The following DEF6 variants were observed in gnomAD, a reference collection of about 807,000 sequenced individuals.
The protein encoded by DEF6 is differentially expressed in FDCP 6 homolog.
DEF6 carries 32 observed loss-of-function variants against 80.5 expected under a neutral mutation model. That is an observed-to-expected ratio of 0.40 (90% CI 0.30 to 0.53). DEF6 has a LOEUF of 0.53. Ranked by LOEUF, DEF6 falls within the 20% of genes least tolerant of loss-of-function variation. DEF6 has a pLI of 0.57. For synonymous variants in DEF6, 300 were observed against 337.9 expected, an observed-to-expected ratio of 0.89 and a Z score of 1.23; for missense variants, 575 against 818.7, an observed-to-expected ratio of 0.70 and a Z score of 3.63.
Position 35,319,698 on chromosome 6 carries a change from T to C in DEF6, c.1382+8T>C, listed in dbSNP as rs1293244960. 1.2e-6 allele frequency: 2 copies of C among 1,607,162 alleles called. No individual in the cohort carries two copies. The highest frequency in any genetic ancestry group is 3.4e-5 in the Admixed American group (2 of 59,630). On this transcript the variant is annotated splice_region_variant and intron_variant, in intron 8 of 10. Transcript: ENST00000316637. This position sits in a 1 kb window ranked among gnomAD's most constrained non-coding sequence, Gnocchi z 4.5. ...GCGAATCGCTCAGACCAGGTAGGCC[T>C]GAGGAACCTCTTCTGGTTCTCTCAC...
intron 1 of DEF6, among the ~76,000 whole-genome samples, chr6:35,305,434 G>T (rs1456509859): frequency 2.0e-5 from 3 of 152,116 alleles, no homozygotes; most frequent in African/African-American, 7.2e-5. Flanking sequence ...AAGCTGCAGT[G>T]AGCAGAAATC....
chr6:35,305,783 G>A (rs1257990684), intron 1 of DEF6, among the ~76,000 whole-genome samples: 1 of 152,190 alleles, frequency 6.6e-6, no homozygotes, highest in Non-Finnish European at 1.5e-5. Context: ...ATGCTGGCCA[G>A]GCTGGTGTTG....
Position 35,312,270 on chromosome 6 carries a change from G to A in DEF6, c.424-32G>A, listed in dbSNP as rs1418456170. ...GTTGGTGCTGGCAACACCACCTGCT[G>A]CAGCTACCAGGCCTTCCTTCTCCTG... On this transcript the variant is annotated intron_variant, in intron 3 of 10. Coordinates refer to ENST00000316637, the MANE Select transcript of DEF6 (RefSeq NM_022047.4). The surrounding 1 kb of genome is among the most constrained non-coding windows in gnomAD (Gnocchi z 6.6). The A allele has an allele frequency of 3.8e-6, 6 of 1,595,790 alleles. No individual in the cohort carries two copies. The highest frequency in any genetic ancestry group is 2.2e-5 in the South Asian group (2 of 90,016).
At chr6:35,309,488 AAAGT>A (rs1791434766) in intron 1 of DEF6, among the ~76,000 whole-genome samples, 178 bp from the exon 2 acceptor site, 2 of 152,208 alleles carry the variant, frequency 1.3e-5, no homozygotes, top group South Asian at 4.1e-4. Context: ...AATGATATGT[AAAGT>A]ACTTTAGCTC....
At position 35,307,828 on chromosome 6, in the gene DEF6, C is replaced by T. The variant is rs1010445502; in HGVS notation, c.97-1842C>T. Among the ~76,000 whole-genome samples the T allele has an allele frequency of 5.9e-5, 9 of 152,282 alleles. No homozygotes were observed. The East Asian group carries it at 1.2e-3, about 20-fold the overall frequency. The stretch of plus-strand genomic sequence containing the variant: ...GAGGCAAAGTCTCAATACTTTCTCC[C>T]CCTCCTCTCTGAAAAGAGAATAAAA... On this transcript the variant is annotated intron_variant, in intron 1 of 10. Transcript: ENST00000316637.
In DEF6 at chr6:35,311,351, G is replaced by A. The variant is rs1024819563; in HGVS notation, c.423+707G>A. Among the ~76,000 whole-genome samples the A allele has an allele frequency of 2.6e-5, 4 of 152,184 alleles. No homozygotes were observed. The East Asian group carries it at 7.7e-4, about 29-fold the overall frequency. On this transcript the variant is annotated intron_variant, in intron 3 of 10. Transcript: ENST00000316637. ...CTTTAGAGTGGGGTTTACAGGAGAG[G>A]GGGCTTCTGTACTTACAAGAAGCCC...
At position 35,318,050 on chromosome 6, in the gene DEF6, C is replaced by A; in HGVS notation, c.916+51C>A. 1 of 1,573,340 alleles carries A rather than the reference C, an allele frequency of 6.4e-7. No individual in the cohort carries two copies. Among genetic ancestry groups the A allele is most frequent in the Non-Finnish European group, 8.6e-7 (1 of 1,158,196 alleles). ...TCTGGGTGGTCCTTAGGCGCCTCATCTGTGAAAAGGGGGTGATAATACTTT... is the reference window on the plus strand; with the variant it reads ...TCTGGGTGGTCCTTAGGCGCCTCATATGTGAAAAGGGGGTGATAATACTTT... On this transcript the variant is annotated intron_variant, in intron 6 of 10. Coordinates refer to ENST00000316637, the MANE Select transcript of DEF6 (RefSeq NM_022047.4). This position sits in a 1 kb window ranked among gnomAD's most constrained non-coding sequence, Gnocchi z 5.1.
Position 35,318,317 on chromosome 6 carries a change from A to C in DEF6, c.1061A>C (p.Gln354Pro). The C allele has an allele frequency of 6.5e-7, 1 of 1,548,198 alleles. No homozygotes were observed. Among genetic ancestry groups the C allele is most frequent in the Non-Finnish European group, 8.7e-7 (1 of 1,147,636 alleles). ...EEELLRLQQL[Q>P]EEKERKLQEL... ...GAGCTGCTGCGGCTGCAGCAGCTGC[A>C]GGAGGAGAAGGAGCGGAAGCTGCAG... The change falls in exon 7 of 11, where the codon CAG becomes CCG. Residue 354 changes from glutamine (Q) to proline (P), a missense_variant. Gln to Pro is a moderately conservative substitution (Grantham distance 76). Coordinates refer to ENST00000316637, the MANE Select transcript of DEF6 (RefSeq NM_022047.4). This position sits in a 1 kb window ranked among gnomAD's most constrained non-coding sequence, Gnocchi z 5.1.
chr6:35,306,204 T>G (rs745327366), intron 1 of DEF6, among the ~76,000 whole-genome samples: 1 of 150,028 alleles, frequency 6.7e-6, no homozygotes, highest in Non-Finnish European at 1.5e-5. Flanking sequence ...CAAAAAAATT[T>G]TGAAGTAAAG....
intron 5 of DEF6, chr6:35,317,656 G>C (rs1791537871): frequency 2.1e-6 from 1 of 481,340 alleles, no homozygotes; most frequent in Non-Finnish European, 3.7e-6. Flanking sequence ...GGGCCCCGTG[G>C]AATAATAGCA....
At position 35,312,332 on chromosome 6, in the gene DEF6, A is replaced by G. The variant is rs761895973; in HGVS notation, c.454A>G (p.Ser152Gly). The G allele has an allele frequency of 6.2e-7, 1 of 1,614,052 alleles. No individual in the cohort carries two copies. Among genetic ancestry groups the G allele is most frequent in the Non-Finnish European group, 8.5e-7 (1 of 1,180,024 alleles). The change falls in exon 4 of 11, where the codon AGC (serine) becomes GGC (glycine). Residue 152 changes from serine (S) to glycine (G), a missense_variant. By Grantham distance (56) the Ser-to-Gly change is moderately conservative (BLOSUM62 0). Transcript: ENST00000316637. The surrounding 1 kb of genome is among the most constrained non-coding windows in gnomAD (Gnocchi z 6.6). The stretch of plus-strand genomic sequence containing the variant: ...ATACCTGCTGAAAAAGGTACTCAGC[A>G]GCATGAGCTTGGAGGTGAGCTTGGG... ...VEYLLKKVLS[S>G]MSLEVSLGEL...
At chr6:35,301,061 CAG>C (rs1791307787) in intron 1 of DEF6, among the ~76,000 whole-genome samples, 1 of 152,132 alleles carries the variant, frequency 6.6e-6, no homozygotes. Context: ...GGAGGGTAGA[CAG>C]GGGCCTTCCA....
Position 35,312,118 on chromosome 6 carries a change from G to C in DEF6, c.424-184G>C, listed in dbSNP as rs570799727. On this transcript the variant is annotated intron_variant, in intron 3 of 10. Transcript: ENST00000316637. The surrounding 1 kb of genome is among the most constrained non-coding windows in gnomAD (Gnocchi z 6.6). Reference sequence around the variant, plus strand: ...GGAGAGAAAACCTGAGTTGGGGTTGGGGCTCCAGGATCCTCTCCCAGGTCT... The same window carrying C: ...GGAGAGAAAACCTGAGTTGGGGTTGCGGCTCCAGGATCCTCTCCCAGGTCT... Among the ~76,000 whole-genome samples, 1 of 152,250 alleles carries C rather than the reference G, an allele frequency of 6.6e-6. No homozygotes were observed. The highest frequency in any genetic ancestry group is 2.1e-4 in the South Asian group (1 of 4,826).
In DEF6 at chr6:35,312,176, C is replaced by A. The variant is rs75173848; in HGVS notation, c.424-126C>A. The A allele has an allele frequency of 8.5e-4, 642 of 753,716 alleles. 7 individuals carry two copies. The East Asian group carries it at 0.014, about 16-fold the overall frequency. 46.7% of individuals were successfully genotyped at this position (753,716 alleles called of 1,614,324 possible). A position where few individuals can be genotyped will look rare whatever the true frequency, so the allele number is the denominator to read the frequency against. On this transcript the variant is annotated intron_variant, in intron 3 of 10. Transcript: ENST00000316637. The surrounding 1 kb of genome is among the most constrained non-coding windows in gnomAD (Gnocchi z 6.6). The stretch of plus-strand genomic sequence containing the variant: ...GGCTCCATAACATTCGGTCCTCTGG[C>A]CCCCTCAACGCTCTGTCCCCTGTTT...
In DEF6 at chr6:35,319,541, G is replaced by A; in HGVS notation, c.1233G>A (p.Gln411=). 2 of 1,612,824 alleles carry A rather than the reference G, an allele frequency of 1.2e-6. No homozygotes were observed. The highest frequency in any genetic ancestry group is 1.7e-6 in the Non-Finnish European group (2 of 1,179,546). ...CTCCACAGGCCCGGGCCTCCATGCA[G>A]GCTGAGATGGAGCTGAAGGAGGAGG... ...REAEQARASM[Q]AEMELKEEEA... Residue 411 remains glutamine (Q), a synonymous_variant, in exon 8 of 11, where the codon CAG becomes CAA. Coordinates refer to ENST00000316637, the MANE Select transcript of DEF6 (RefSeq NM_022047.4). The surrounding 1 kb of genome is among the most constrained non-coding windows in gnomAD (Gnocchi z 4.5).
In DEF6 at chr6:35,321,759, C is replaced by T. The variant is rs564298054; in HGVS notation, c.*349C>T. Reference sequence around the variant, plus strand: ...GAAGCACATTTCTAAATAAAAACTGCTCTTAGAATGAATTATTGGCTCAGG... The same window carrying T: ...GAAGCACATTTCTAAATAAAAACTGTTCTTAGAATGAATTATTGGCTCAGG... On this transcript the variant is annotated 3_prime_UTR_variant, in exon 11 of 11. Coordinates refer to ENST00000316637, the MANE Select transcript of DEF6 (RefSeq NM_022047.4). The T allele has an allele frequency of 4.9e-6, 1 of 204,096 alleles. No individual in the cohort carries two copies. Among genetic ancestry groups the T allele is most frequent in the African/African-American group, 2.3e-5 (1 of 43,340 alleles). The allele number at this position is 204,096 out of a possible 1,614,324, so 12.6% of individuals were successfully genotyped here.
rs1454559598 is a variant in DEF6 at position 35,309,717 on chromosome 6, C to A, written c.144C>A (p.Pro48=). ...LYTVLHIPHD[P]VALEEHFRDD... ...CGGTCCTGCACATCCCCCATGACCC[C>A]GTGGCCCTGGAGGAACACTTCCGAG... is the stretch of plus-strand genomic sequence containing the variant. The change falls in exon 2 of 11, where the codon CCC becomes CCA. Residue 48 remains proline (P), a synonymous_variant. Transcript: ENST00000316637. The A allele has an allele frequency of 6.2e-7, 1 of 1,614,034 alleles. No individual in the cohort carries two copies. The highest frequency in any genetic ancestry group is 8.5e-7 in the Non-Finnish European group (1 of 1,180,008).
Position 35,309,691 on chromosome 6 carries a change from A to G in DEF6, c.118A>G (p.Thr40Ala), listed in dbSNP as rs746145431. The change falls in exon 2 of 11, where the codon ACG becomes GCG. Residue 40 changes from threonine (T) to alanine (A), a missense_variant. Transcript: ENST00000316637. Reference protein sequence around the residue: ...QLKVLSHNLYTVLHIPHDPVA... With the variant: ...QLKVLSHNLYAVLHIPHDPVA... ...CCAGGTGCTGTCCCACAACCTGTAC[A>G]CGGTCCTGCACATCCCCCATGACCC... 1 of 1,613,798 alleles carries G rather than the reference A, an allele frequency of 6.2e-7. No individual in the cohort carries two copies. Among genetic ancestry groups the G allele is most frequent in the Non-Finnish European group, 8.5e-7 (1 of 1,179,972 alleles).
intron 5 of DEF6, among the ~76,000 whole-genome samples, chr6:35,316,894 T>C (rs1053778436): frequency 3.3e-5 from 5 of 152,232 alleles, no homozygotes; most frequent in African/African-American, 9.6e-5. Context: ...CCCCAGCTCC[T>C]AGTATCCTCT....
Sources: gnomAD v4.1 joint callset for allele counts (sites outside exome capture counted in the v4.1 genomes callset) on GRCh38, gnomAD v4.1.1 for gene constraint, Gnocchi (gnomAD v3.1) non-coding constraint, MANE v1.5 for transcripts, NCBI Gene and HGNC (gene_info 2026-07-23, HGNC 2026-07-21) for gene names.